The following SVIL variants were observed in gnomAD, a reference collection of about 807,000 sequenced individuals.
SVIL encodes archvillin.
In SVIL, 101 loss-of-function variants were observed where a neutral mutation model predicts 240.4. The ratio of observed to expected loss-of-function variants is 0.42; its 90% CI spans 0.36 to 0.50. The LOEUF (loss-of-function observed/expected upper bound fraction) is 0.50. SVIL is among the 20% of genes least tolerant of loss of function. SVIL has a pLI of 0.01. For synonymous variants in SVIL, 999 were observed against 1,100.0 expected, an observed-to-expected ratio of 0.91 and a Z score of 1.82; for missense variants, 2,512 against 2,818.7, an observed-to-expected ratio of 0.89 and a Z score of 2.46.
chr10:29,605,084 C>T (rs1956970260), intron 1 of SVIL, among the ~76,000 whole-genome samples: 1 of 152,138 alleles, frequency 6.6e-6, no homozygotes, highest in African/African-American at 2.4e-5. Context: ...CTTAGTTTCC[C>T]TTTCATATAT....
intron 36 of SVIL, among the ~76,000 whole-genome samples, chr10:29,460,237 T>C (rs1176980678): frequency 6.6e-6 from 1 of 152,136 alleles, no homozygotes; most frequent in Non-Finnish European, 1.5e-5. Context: ...TAATAAGATA[T>C]CTTGATGGAC....
In SVIL at chr10:29,509,356, A is replaced by AGAGAGAGAG. The variant is rs1554827982; in HGVS notation, c.3516+3370_3516+3378dup. On this transcript the variant is annotated intron_variant, in intron 17 of 37. Coordinates refer to ENST00000355867, the MANE Select transcript of SVIL (RefSeq NM_021738.3). ...GAGAGAGAGAGAGAGAGAGAGAGAG[A>AGAGAGAGAG]GAGAGAGAGAGAGAGAGAGAGAGAA... Among the ~76,000 whole-genome samples the AGAGAGAGAG allele has an allele frequency of 4.2e-5, 5 of 120,060 alleles. 1 individual carries two copies. The highest frequency in any genetic ancestry group is 9.3e-5 in the Non-Finnish European group (5 of 54,000). 78.8% of individuals were successfully genotyped at this position (120,060 alleles called of 152,430 possible). A position where few individuals can be genotyped will look rare whatever the true frequency, so the allele number is the denominator to read the frequency against.
chr10:29,705,720 G>C (rs770128409), intron 1 of SVIL, among the ~76,000 whole-genome samples: 1 of 152,030 alleles, frequency 6.6e-6, no homozygotes, highest in South Asian at 2.1e-4. Flanking sequence ...TCCTACTTAT[G>C]AGTGAGAACA....
chr10:29,613,937 C>T (rs758548157), intron 1 of SVIL, among the ~76,000 whole-genome samples: 28 of 152,102 alleles, frequency 1.8e-4, no homozygotes, highest in Non-Finnish European at 4.0e-4. Flanking sequence ...TTTCCTTTCC[C>T]CTTATGGAAT....
At chr10:29,556,748 G>T (rs1953968421) in intron 3 of SVIL, among the ~76,000 whole-genome samples, 1 of 152,202 alleles carries the variant, frequency 6.6e-6, no homozygotes, top group African/African-American at 2.4e-5. Context: ...CCTTGGGAGA[G>T]GAGGCTTGGT....
At chr10:29,610,112 C>T (rs1392236427) in intron 1 of SVIL, among the ~76,000 whole-genome samples, 1 of 152,162 alleles carries the variant, frequency 6.6e-6, no homozygotes, top group Non-Finnish European at 1.5e-5. Flanking sequence ...GTGGCGGGCT[C>T]CCTGCCAATC....
At chr10:29,564,029 G>A (rs1335931812) in intron 2 of SVIL, among the ~76,000 whole-genome samples, 9 of 152,074 alleles carry the variant, frequency 5.9e-5, no homozygotes, top group African/African-American at 1.2e-4. Flanking sequence ...GCTGATAAAG[G>A]TACGAATGGC....
chr10:29,687,246 T>C (rs1252487054), intron 1 of SVIL, among the ~76,000 whole-genome samples: 3 of 152,240 alleles, frequency 2.0e-5, no homozygotes, highest in Non-Finnish European at 4.4e-5. Flanking sequence ...TTCCCTGGTA[T>C]AGAACAAAGA....
At chr10:29,734,816 T>C (rs1278160446) in intron 1 of SVIL, among the ~76,000 whole-genome samples, 2 of 152,140 alleles carry the variant, frequency 1.3e-5, no homozygotes, top group African/African-American at 4.8e-5. Flanking sequence ...GACATTTCTA[T>C]GACAAAACGC....
intron 3 of SVIL, among the ~76,000 whole-genome samples, chr10:29,648,703 A>G (rs1020186111): frequency 7.2e-5 from 11 of 152,214 alleles, no homozygotes; most frequent in African/African-American, 2.4e-4. Context: ...TGCAGCCAAG[A>G]TAACAGGTTG....
rs540166677 is a variant in SVIL at position 29,531,277 on chromosome 10, T to G, written c.2021A>C (p.His674Pro). 4 of 1,614,020 alleles carry G rather than the reference T, an allele frequency of 2.5e-6. No individual in the cohort carries two copies. In the African/African-American group the frequency reaches 5.3e-5, roughly 22 times the overall value. The change falls in exon 10 of 38, where the codon CAT becomes CCT. Residue 674 changes from histidine (H) to proline (P), a missense_variant. This residue lies in a region of SVIL where 1,443 missense variants were observed against 1,486.6 expected (regional missense o/e 0.97). Coordinates refer to ENST00000355867, the MANE Select transcript of SVIL (RefSeq NM_021738.3). ...GCCATCGACAGTTGGCGTTTCTGAA[T>G]GTGAAGTGCACCTAGGAAAGACATT... The part of the protein sequence containing the change: ...ERKESDRCTS[H>P]SETPTVDDEE...
At chr10:29,506,856 C>G (rs559633534) in intron 17 of SVIL, among the ~76,000 whole-genome samples, 93 of 151,288 alleles carry the variant, frequency 6.1e-4, no homozygotes, top group Non-Finnish European at 1.6e-4. Flanking sequence ...GGGACAGAGG[C>G]CCTAGGAGGG....
intron 1 of SVIL, among the ~76,000 whole-genome samples, chr10:29,618,712 C>A (rs1957516652): frequency 6.6e-6 from 1 of 151,662 alleles, no homozygotes; most frequent in South Asian, 2.1e-4. Context: ...CAAATAAGCT[C>A]TTGCAGCAGA....
intron 1 of SVIL, among the ~76,000 whole-genome samples, chr10:29,624,166 C>CAAAAAA (rs58064632): frequency 1.5e-5 from 2 of 136,206 alleles, no homozygotes; most frequent in Non-Finnish European, 3.1e-5. Flanking sequence ...AATGAGCTTT[C>CAAAAAA]AAAAAAAAAA....
chr10:29,481,939 T>C (rs186416917), intron 27 of SVIL, among the ~76,000 whole-genome samples: 1 of 152,238 alleles, frequency 6.6e-6, no homozygotes, highest in East Asian at 1.9e-4. Flanking sequence ...TTTGTGTCCA[T>C]GGAGTTTTTG....
At position 29,507,773 on chromosome 10, in the gene SVIL, A is replaced by G. The variant is rs1949489929; in HGVS notation, c.3516+4962T>C. The G allele has an allele frequency of 5.1e-6, 5 of 985,306 alleles. No homozygotes were observed. The South Asian group carries it at 1.9e-4, about 37-fold the overall frequency. 61.0% of individuals were successfully genotyped at this position (985,306 alleles called of 1,614,324 possible). Reference sequence around the variant, plus strand: ...ACACAAAAGACAGGTATTTATGGGCAGCAGGAATAGCAGGAGAATAAGTAG... The same window carrying G: ...ACACAAAAGACAGGTATTTATGGGCGGCAGGAATAGCAGGAGAATAAGTAG... On this transcript the variant is annotated intron_variant, in intron 17 of 37. Transcript: ENST00000355867.
chr10:29,523,919 G>A lies in SVIL; in HGVS notation c.2695C>T (p.Pro899Ser), dbSNP rs752262156. The change falls in exon 15 of 38, where the codon CCT becomes TCT. Residue 899 changes from proline (P) to serine (S), a missense_variant. Pro to Ser is a moderately conservative substitution (Grantham distance 74). Coordinates refer to ENST00000355867, the MANE Select transcript of SVIL (RefSeq NM_021738.3). Reference protein sequence around the residue: ...MYAGDLRTKPPLDHNASATDY... With the variant: ...MYAGDLRTKPSLDHNASATDY... ...GTGGCACTTGCATTGTGGTCAAGAG[G>A]TGGCTTTGTGCGAAGATCTCCGGCA... 1 of 1,614,036 alleles carries A rather than the reference G, an allele frequency of 6.2e-7. No homozygotes were observed. Among genetic ancestry groups the A allele is most frequent in the Non-Finnish European group, 8.5e-7 (1 of 1,180,046 alleles).
chr10:29,458,246 C>G lies in SVIL; in HGVS notation c.*1G>C, dbSNP rs777772586. ...GTGAGGCTCCTCTGGCGTCTCCCCA[C>G]TCAGAACAGGCCTTTTGCTTTCTTC... On this transcript the variant is annotated 3_prime_UTR_variant, in exon 38 of 38. Transcript: ENST00000355867. 2 of 1,614,182 alleles carry G rather than the reference C, an allele frequency of 1.2e-6. No homozygotes were observed. The highest frequency in any genetic ancestry group is 1.7e-6 in the Non-Finnish European group (2 of 1,180,012).
chr10:29,734,029 C>T (rs1964764516), intron 1 of SVIL, among the ~76,000 whole-genome samples: 1 of 152,186 alleles, frequency 6.6e-6, no homozygotes, highest in Admixed American at 6.5e-5. Context: ...GGCAAAGTCA[C>T]ACACAGCTTA....
Sources: allele counts gnomAD v4.1 joint callset (sites outside exome capture counted in the v4.1 genomes callset), GRCh38; gene constraint gnomAD v4.1.1; regional missense constraint gnomAD v4.1.1; transcripts MANE v1.5; gene names NCBI Gene and HGNC (gene_info 2026-07-23, HGNC 2026-07-21).